USP32: variants seen among roughly 807,000 people sequenced by gnomAD.
The protein encoded by USP32 is ubiquitin specific peptidase 32.
Under a neutral mutation model 204.8 loss-of-function variants are expected in USP32, and 59 were observed. That is an observed-to-expected ratio of 0.29 (90% confidence interval 0.23 to 0.36). USP32 has a LOEUF of 0.36. Ranked by LOEUF, USP32 falls within the 10% of genes least tolerant of loss-of-function variation. The pLI is 1.00. For synonymous variants in USP32, 517 were observed against 678.4 expected (o/e 0.76, Z 3.70); for missense variants, 1,160 against 1,946.4 (o/e 0.60, Z 7.60).
chr17:60,328,293 TG>T (rs1012057041), intron 2 of USP32, among the ~76,000 whole-genome samples: 1 of 152,134 alleles, frequency 6.6e-6, no homozygotes, highest in Non-Finnish European at 1.5e-5. Context: ...CCTTCTCTGC[TG>T]AGAGCTGGAC....
At chr17:60,379,611 A>C (rs1225660563) in intron 1 of USP32, among the ~76,000 whole-genome samples, 1 of 152,174 alleles carries the variant, frequency 6.6e-6, no homozygotes, top group East Asian at 1.9e-4. Context: ...CTTCTAATAA[A>C]TTCTTCTAAC....
At chr17:60,262,259 T>C (rs558159946) in intron 9 of USP32, among the ~76,000 whole-genome samples, 4 of 152,362 alleles carry the variant, frequency 2.6e-5, no homozygotes, top group South Asian at 4.1e-4. Flanking sequence ...TGGTGTCATC[T>C]TGGCTCACTG....
intron 9 of USP32, among the ~76,000 whole-genome samples, chr17:60,258,566 G>T (rs568475762): frequency 6.6e-6 from 1 of 152,342 alleles, no homozygotes; most frequent in East Asian, 1.9e-4. Flanking sequence ...TGGAGATTAA[G>T]ATGCCTTGAA....
At position 60,178,554 on chromosome 17, in the gene USP32, C is replaced by A. The variant is rs1267852253; in HGVS notation, c.*701G>T. 6.6e-6 allele frequency among the ~76,000 whole-genome samples: 1 copy of A among 152,194 alleles called. No individual in the cohort carries two copies. The highest frequency in any genetic ancestry group is 1.5e-5 in the Non-Finnish European group (1 of 68,030). On this transcript the variant is annotated 3_prime_UTR_variant, in exon 34 of 34. Coordinates refer to ENST00000300896, the MANE Select transcript of USP32 (RefSeq NM_032582.4). ...GATGCTGTTTCTTTCTACTGGGTCT[C>A]CCACAAGGCTCTGGGTGGAAGGCAC...
rs1210949723 is a variant in USP32 at position 60,392,124 on chromosome 17, C to A, written c.-185G>T. 6.8e-6 allele frequency: 4 copies of A among 590,122 alleles called. 1 individual carries two copies. The highest frequency in any genetic ancestry group is 1.2e-5 in the Non-Finnish European group (4 of 341,624). The allele number at this position is 590,122 out of a possible 1,614,324, so 36.6% of individuals were successfully genotyped here. The stretch of plus-strand genomic sequence containing the variant: ...CCCGGTCGCCGCCACCGCCTCCATG[C>A]CGGATCACGTGACTCTTCCGCCCCG... On this transcript the variant is annotated 5_prime_UTR_variant, in exon 1 of 34. Coordinates refer to ENST00000300896, the MANE Select transcript of USP32 (RefSeq NM_032582.4).
rs142797231 is a variant in USP32 at position 60,206,934 on chromosome 17, C to T, written c.3037+87G>A. 3.3e-4 allele frequency: 499 copies of T among 1,525,788 alleles called. 2 individuals are homozygous for T. In the African/African-American group the frequency reaches 5.8e-3, roughly 18 times the overall value. 94.5% of individuals were successfully genotyped at this position (1,525,788 alleles called of 1,614,324 possible). A position where few individuals can be genotyped will look rare whatever the true frequency, so the allele number is the denominator to read the frequency against. ...CAAAATTCTTCTGCTATAATATCCT[C>T]AGCATGAACAAATATAAAAAAGATG... On this transcript the variant is annotated intron_variant, in intron 25 of 33. Transcript: ENST00000300896.
intron 1 of USP32, among the ~76,000 whole-genome samples, chr17:60,358,683 G>T (rs2089140951): frequency 6.6e-6 from 1 of 152,174 alleles, no homozygotes; most frequent in Non-Finnish European, 1.5e-5. Context: ...ATCTAAAAAT[G>T]AGATTAAAAA....
chr17:60,341,772 C>T (rs1223451626), intron 2 of USP32, among the ~76,000 whole-genome samples: 1 of 152,176 alleles, frequency 6.6e-6, no homozygotes, highest in Non-Finnish European at 1.5e-5. Context: ...AGGGTCTTCT[C>T]TACACTGTTT....
intron 9 of USP32, among the ~76,000 whole-genome samples, chr17:60,262,052 A>G (rs1474406251): frequency 6.6e-6 from 1 of 152,164 alleles, no homozygotes; most frequent in East Asian, 1.9e-4. Flanking sequence ...AGAACTGTAA[A>G]TGGATTTTAT....
chr17:60,421,730 C>T, intron 1 of USP32: 2 of 794,180 alleles, frequency 2.5e-6, no homozygotes, highest in Non-Finnish European at 3.1e-6. Context: ...ACTCAGACTA[C>T]ACCCGGACTC....
chr17:60,235,352 T>C (rs2085694127), intron 12 of USP32, among the ~76,000 whole-genome samples: 1 of 152,176 alleles, frequency 6.6e-6, no homozygotes, highest in African/African-American at 2.4e-5. Context: ...TTTTATTCCT[T>C]CAGAGACACC....
At chr17:60,251,643 CAA>C (rs1166138901) in intron 11 of USP32, among the ~76,000 whole-genome samples, 1 of 152,146 alleles carries the variant, frequency 6.6e-6, no homozygotes, top group Non-Finnish European at 1.5e-5. Context: ...GAAAGACACT[CAA>C]GTTATTAAAA....
chr17:60,389,118 T>A (rs2089783513), intron 1 of USP32, among the ~76,000 whole-genome samples: 1 of 152,232 alleles, frequency 6.6e-6, no homozygotes, highest in African/African-American at 2.4e-5. Flanking sequence ...GTTTGTCAAA[T>A]CCTATCTACC....
At chr17:60,187,741 T>C (rs2084285484) in intron 29 of USP32, among the ~76,000 whole-genome samples, 1 of 152,246 alleles carries the variant, frequency 6.6e-6, no homozygotes, top group Non-Finnish European at 1.5e-5. Flanking sequence ...AATTTCTATT[T>C]ATCAGTAAAT....
Position 60,177,990 on chromosome 17 carries a change from TAATA to T in USP32, c.*1261_*1264del, listed in dbSNP as rs1263344866. Among the ~76,000 whole-genome samples the T allele has an allele frequency of 6.6e-5, 10 of 152,156 alleles. No individual in the cohort carries two copies. In the East Asian group the frequency reaches 1.9e-3, roughly 29 times the overall value. On this transcript the variant is annotated 3_prime_UTR_variant, in exon 34 of 34. Transcript: ENST00000300896. ...CGAAAAAAATGCTACCTGAAATAAA[TAATA>T]TTTATACTTTTGTTCCAGTCTTGAT...
At chr17:60,316,303 AT>A (rs879738236) in intron 2 of USP32, 8 of 155,824 alleles carry the variant, frequency 5.1e-5, no homozygotes, top group Non-Finnish European at 8.5e-5. Context: ...TGAACCCTAG[AT>A]TTTTTTTTCC....
chr17:60,225,722 G>C (rs1290308028), intron 13 of USP32, among the ~76,000 whole-genome samples: 1 of 152,098 alleles, frequency 6.6e-6, no homozygotes, highest in African/African-American at 2.4e-5. Flanking sequence ...GGGAGGCCGA[G>C]GCAGGCAGAT....
At chr17:60,356,520 C>T (rs2089081666) in intron 1 of USP32, among the ~76,000 whole-genome samples, 1 of 152,182 alleles carries the variant, frequency 6.6e-6, no homozygotes, top group Admixed American at 6.6e-5. Flanking sequence ...CAAGGCTGAA[C>T]TTATAGGTTC....
Position 60,225,681 on chromosome 17 carries a change from T to C in USP32, c.1432+358A>G, listed in dbSNP as rs369454822. Among the ~76,000 whole-genome samples the C allele has an allele frequency of 1.4e-3, 215 of 152,192 alleles. 1 individual carries two copies. Among genetic ancestry groups the C allele is most frequent in the African/African-American group, 4.8e-3 (199 of 41,536 alleles). On this transcript the variant is annotated intron_variant, in intron 13 of 33. Transcript: ENST00000300896. The stretch of plus-strand genomic sequence containing the variant: ...TAACTATCCATGGGGAGGCCAGGCA[T>C]GGTGGCTCACGCCTGTAATCCCAGC...
Sources: gnomAD v4.1 joint callset for allele counts (sites outside exome capture counted in the v4.1 genomes callset) on GRCh38, gnomAD v4.1.1 for gene constraint, MANE v1.5 for transcripts, NCBI Gene and HGNC (gene_info 2026-07-23, HGNC 2026-07-21) for gene names.